Variants in NAV3 observed in about 807,000 individuals in gnomAD.
NAV3 encodes neuron navigator 3, also known as pore membrane and/or filament interacting like protein 1.
In NAV3, 87 loss-of-function variants were observed where a neutral mutation model predicts 244.7. The ratio of observed to expected loss-of-function variants is 0.36; its 90% CI spans 0.30 to 0.42. NAV3 has a LOEUF of 0.42. Ranked by LOEUF, NAV3 falls within the 20% of genes least tolerant of loss-of-function variation. The probability of loss-of-function intolerance (pLI) is 1.00; values close to 1 mark genes in which losing one functional copy is unlikely to be tolerated. For missense variants in NAV3, 2,663 were observed against 2,893.3 expected (o/e 0.92, Z 1.83); for synonymous variants, 1,126 against 1,042.2 (o/e 1.08, Z -1.55).
chr12:77,694,621 C>T (rs1875208004), intron 2 of NAV3, among the ~76,000 whole-genome samples: 1 of 152,148 alleles, frequency 6.6e-6, no homozygotes, highest in Non-Finnish European at 1.5e-5. Context: ...CTAGTATCTC[C>T]TTGAGTTATC....
chr12:77,636,491 A>G (rs1299755931), intron 2 of NAV3, among the ~76,000 whole-genome samples: 1 of 151,294 alleles, frequency 6.6e-6, no homozygotes, highest in Non-Finnish European at 1.5e-5. Context: ...AAAAGTTAGG[A>G]AACAACAGAT....
rs907404292 is a variant in NAV3 at position 77,929,373 on chromosome 12, C to T, written c.244-10946C>T. On this transcript the variant is annotated intron_variant, in intron 1 of 39. Coordinates refer to ENST00000397909, the MANE Select transcript of NAV3 (RefSeq NM_001024383.2). Reference sequence around the variant, plus strand: ...ACATTGCATAGCTCTGGCTGCGTCACGGACAGGGACATGTCATTGACCCTA... The same window carrying T: ...ACATTGCATAGCTCTGGCTGCGTCATGGACAGGGACATGTCATTGACCCTA... Among the ~76,000 whole-genome samples the T allele has an allele frequency of 5.3e-5, 8 of 152,116 alleles. No homozygotes were observed. In the South Asian group the frequency reaches 6.2e-4, roughly 12 times the overall value.
intron 2 of NAV3, among the ~76,000 whole-genome samples, chr12:77,758,240 T>C (rs1416015911): frequency 6.6e-6 from 1 of 152,224 alleles, no homozygotes; most frequent in African/African-American, 2.4e-5. Flanking sequence ...TTTCCTGTTT[T>C]GATTTCTTAT....
At chr12:77,930,274 A>G (rs1008069534) in intron 1 of NAV3, among the ~76,000 whole-genome samples, 1 of 152,126 alleles carries the variant, frequency 6.6e-6, no homozygotes, top group Admixed American at 6.5e-5. Flanking sequence ...TGAAATCTAT[A>G]TTGTTTTCAT....
At chr12:77,868,576 T>C (rs967852830) in intron 1 of NAV3, among the ~76,000 whole-genome samples, 1 of 151,396 alleles carries the variant, frequency 6.6e-6, no homozygotes, top group Non-Finnish European at 1.5e-5. Flanking sequence ...GCCAACATGG[T>C]GAAACCCCAT....
chr12:77,679,055 C>T (rs933192125), intron 2 of NAV3, among the ~76,000 whole-genome samples: 3 of 152,128 alleles, frequency 2.0e-5, no homozygotes, highest in Non-Finnish European at 2.9e-5. Context: ...ATCTTAAGTA[C>T]GACTGTGTCT....
chr12:77,960,360 G>A (rs1335799745), intron 3 of NAV3, among the ~76,000 whole-genome samples: 1 of 151,390 alleles, frequency 6.6e-6, no homozygotes, highest in Non-Finnish European at 1.5e-5. Flanking sequence ...GATCACCTAA[G>A]TCATACATTT....
chr12:77,939,465 G>T lies in NAV3; in HGVS notation c.244-854G>T, dbSNP rs146181532. 3.3e-5 allele frequency among the ~76,000 whole-genome samples: 5 copies of T among 152,166 alleles called. No homozygotes were observed. In the East Asian group the frequency reaches 9.7e-4, roughly 29 times the overall value. On this transcript the variant is annotated intron_variant, in intron 1 of 39. Coordinates refer to ENST00000397909, the MANE Select transcript of NAV3 (RefSeq NM_001024383.2). Reference sequence around the variant, plus strand: ...TGTTTTTCTGTTACACCACATCATAGAGTGCCTTGTAATAAATCCACTAAT... The same window carrying T: ...TGTTTTTCTGTTACACCACATCATATAGTGCCTTGTAATAAATCCACTAAT...
intron 9 of NAV3, among the ~76,000 whole-genome samples, chr12:78,048,618 T>A (rs1882236882): frequency 6.6e-6 from 1 of 152,174 alleles, no homozygotes; most frequent in Non-Finnish European, 1.5e-5. Flanking sequence ...ACTTGCCAGA[T>A]GCCTGCTAGA....
chr12:77,624,017 C>A (rs1871502551), intron 2 of NAV3, among the ~76,000 whole-genome samples: 1 of 151,944 alleles, frequency 6.6e-6, no homozygotes, highest in African/African-American at 2.4e-5. Flanking sequence ...ATCAGGCATA[C>A]AATAATGTCA....
intron 3 of NAV3, among the ~76,000 whole-genome samples, chr12:77,945,902 C>T (rs1593075469): frequency 6.6e-6 from 1 of 151,602 alleles, no homozygotes; most frequent in Non-Finnish European, 1.5e-5. Flanking sequence ...GTGCCCACCA[C>T]CACACCTGGC....
Position 77,755,644 on chromosome 12 carries a change from T to C in NAV3, c.72+183378T>C, listed in dbSNP as rs1051193988. Among the ~76,000 whole-genome samples the C allele has an allele frequency of 2.2e-3, 233 of 106,464 alleles. 40 individuals carry two copies. The highest frequency in any genetic ancestry group is 3.4e-3 in the Non-Finnish European group (158 of 46,838). The allele number at this position is 106,464 out of a possible 152,430, so 69.8% of individuals were successfully genotyped here. A position where few individuals can be genotyped will look rare whatever the true frequency, so the allele number is the denominator to read the frequency against. On this transcript the variant is annotated intron_variant, in intron 2 of 8. Coordinates refer to the NAV3 transcript ENST00000550042. ...TTCCTTCCTTCCTTCCTTCCTTCCT[T>C]CCTTCCTTCCTTCCACTCTCTCTCT...
intron 2 of NAV3, among the ~76,000 whole-genome samples, chr12:77,824,790 G>A (rs1592715131): frequency 6.6e-6 from 1 of 152,072 alleles, no homozygotes; most frequent in Middle Eastern, 3.4e-3. Flanking sequence ...CTACTTGGGA[G>A]GCTGAGGCAG....
At chr12:77,683,201 G>T (rs1041146245) in intron 2 of NAV3, among the ~76,000 whole-genome samples, 1 of 152,078 alleles carries the variant, frequency 6.6e-6, no homozygotes, top group Non-Finnish European at 1.5e-5. Context: ...TATGGTATAA[G>T]GTGAGGGTCT....
chr12:77,681,028 T>A (rs1874428871), intron 2 of NAV3, among the ~76,000 whole-genome samples: 1 of 152,162 alleles, frequency 6.6e-6, no homozygotes, highest in African/African-American at 2.4e-5. Flanking sequence ...TGGGATCTTA[T>A]CTTTAACTTT....
At chr12:77,966,849 AAG>A (rs1216065744) in intron 4 of NAV3, among the ~76,000 whole-genome samples, 3 of 152,078 alleles carry the variant, frequency 2.0e-5, no homozygotes, top group Non-Finnish European at 4.4e-5. Flanking sequence ...CTAAAATTGA[AAG>A]AGAGCAAAAT....
At chr12:78,137,075 A>C (rs1956404178) in intron 18 of NAV3, 102 bp from the exon 19 acceptor site, 1 of 1,084,612 alleles carries the variant, frequency 9.2e-7, no homozygotes, top group African/African-American at 1.6e-5. Flanking sequence ...CTATACATTC[A>C]TGTTTTCATA....
intron 2 of NAV3, among the ~76,000 whole-genome samples, chr12:77,705,407 A>C (rs1875751443): frequency 6.6e-6 from 1 of 151,502 alleles, no homozygotes; most frequent in South Asian, 2.1e-4. Context: ...CTGTCTCAAA[A>C]AAACAAACAA....
intron 12 of NAV3, among the ~76,000 whole-genome samples, chr12:78,103,009 G>T (rs765362770): frequency 6.6e-6 from 1 of 152,156 alleles, no homozygotes; most frequent in Non-Finnish European, 1.5e-5. Context: ...TTGTCTTGGG[G>T]ATTAACACTG....
Sources: allele counts gnomAD v4.1 joint callset (sites outside exome capture counted in the v4.1 genomes callset), GRCh38; gene constraint gnomAD v4.1.1; transcripts MANE v1.5; gene names NCBI Gene and HGNC (gene_info 2026-07-23, HGNC 2026-07-21).